RAPGEF6: variants seen among roughly 807,000 people sequenced by gnomAD.
RAPGEF6 encodes Rap guanine nucleotide exchange factor 6.
Under a neutral mutation model 171.4 loss-of-function variants are expected in RAPGEF6, and 56 were observed. The observed-to-expected ratio is 0.33, with a 90% CI of 0.26 to 0.41. The LOEUF is 0.41. RAPGEF6 is among the 10% of genes least tolerant of loss of function. The pLI is 1.00. For synonymous variants in RAPGEF6, 692 were observed against 650.1 expected (o/e 1.06, Z -0.98); for missense variants, 1,674 against 1,921.4 (o/e 0.87, Z 2.41).
chr5:131,467,738 A>G (rs1394324246), intron 17 of RAPGEF6, among the ~76,000 whole-genome samples: 2 of 152,256 alleles, frequency 1.3e-5, no homozygotes, highest in Non-Finnish European at 2.9e-5. Context: ...GACATTTAAA[A>G]AGAATCTTGG....
intron 6 of RAPGEF6, among the ~76,000 whole-genome samples, chr5:131,544,952 G>A (rs1314574790): frequency 6.6e-6 from 1 of 152,168 alleles, no homozygotes; most frequent in African/African-American, 2.4e-5. Context: ...AAAGTGCTGG[G>A]ATTTCAGGCA....
intron 1 of RAPGEF6, among the ~76,000 whole-genome samples, chr5:131,630,635 C>G (rs897857533): frequency 2.6e-5 from 4 of 152,202 alleles, no homozygotes; most frequent in Non-Finnish European, 5.9e-5. Context: ...CTCTCACACA[C>G]ACACTGTGTT....
Position 131,570,945 on chromosome 5 carries a change from T to C in RAPGEF6, c.282-8898A>G, listed in dbSNP as rs1762244389. 3.4e-5 allele frequency among the ~76,000 whole-genome samples: 5 copies of C among 148,492 alleles called. No homozygotes were observed. The South Asian group carries it at 1.1e-3, about 31-fold the overall frequency. On this transcript the variant is annotated intron_variant, in intron 4 of 27. Transcript: ENST00000509018. ...CCCACGTCTTCATCCCCAACTACTT[T>C]TTTTTTTTTTTTTTTTTGAGAGGGA... is the stretch of plus-strand genomic sequence containing the variant.
rs570622752 is a variant in RAPGEF6, at chr5:131,564,237, G to A, written c.282-2190C>T. 2.0e-5 allele frequency among the ~76,000 whole-genome samples: 3 copies of A among 152,304 alleles called. No individual in the cohort carries two copies. In the South Asian group the frequency reaches 6.2e-4, roughly 32 times the overall value. On this transcript the variant is annotated intron_variant, in intron 4 of 27. Transcript: ENST00000509018. The stretch of plus-strand genomic sequence containing the variant: ...AGGGAGAGCAGCAAAGAGATACGGG[G>A]AGAGAGAGAACAACATTGTGCACAA...
rs903513969 is a variant in RAPGEF6 at position 131,442,342 on chromosome 5, T to C, written c.3610+7A>G. 5.0e-6 allele frequency: 8 copies of C among 1,605,752 alleles called. No individual in the cohort carries two copies. In the South Asian group the frequency reaches 5.6e-5, roughly 11 times the overall value. On this transcript the variant is annotated splice_region_variant and intron_variant, in intron 23 of 27. Coordinates refer to ENST00000509018, the MANE Select transcript of RAPGEF6 (RefSeq NM_016340.6). ...AAACGGATGTAATATTAATGGTGAA[T>C]ACTCACTCAGTGCAGGGTCTTTTGT...
chr5:131,451,270 A>C (rs1223254636), intron 21 of RAPGEF6, among the ~76,000 whole-genome samples: 1 of 152,130 alleles, frequency 6.6e-6, no homozygotes, highest in Non-Finnish European at 1.5e-5. Context: ...AGAAACCATC[A>C]GATCAACTAC....
At chr5:131,460,046 A>C (rs1405121598) in intron 19 of RAPGEF6, among the ~76,000 whole-genome samples, 1 of 152,242 alleles carries the variant, frequency 6.6e-6, no homozygotes, top group African/African-American at 2.4e-5. Flanking sequence ...CATGAAGTAC[A>C]AGAATACAAA....
intron 7 of RAPGEF6, among the ~76,000 whole-genome samples, chr5:131,511,974 T>C (rs1757761204): frequency 6.6e-6 from 1 of 152,102 alleles, no homozygotes; most frequent in African/African-American, 2.4e-5. Flanking sequence ...GGTTGCTAAA[T>C]TGGAAGAATA....
chr5:131,628,009 TCTC>T (rs1766051852), intron 1 of RAPGEF6, among the ~76,000 whole-genome samples: 1 of 151,516 alleles, frequency 6.6e-6, no homozygotes, highest in Non-Finnish European at 1.5e-5. Flanking sequence ...TGTTCCACCT[TCTC>T]TATCTCCCTC....
chr5:131,627,788 A>AT lies in RAPGEF6; in HGVS notation c.69+7173dup, dbSNP rs555288552. ...TGCATCAAGCAAGTCCAACAGCACC[A>AT]TTTTTTTCAACAGCACATGCTCACT... On this transcript the variant is annotated intron_variant, in intron 1 of 27. Transcript: ENST00000509018. Among the ~76,000 whole-genome samples the AT allele has an allele frequency of 9.9e-4, 151 of 152,002 alleles. 2 individuals are homozygous for AT. The highest frequency in any genetic ancestry group is 9.8e-4 in the Admixed American group (15 of 15,272).
intron 24 of RAPGEF6, chr5:131,436,266 T>G: frequency 2.6e-6 from 4 of 1,537,548 alleles, no homozygotes. Context: ...TACTGTCTGT[T>G]CTTTTGGCTG....
At chr5:131,501,162 A>AAAAC (rs1051597546) in intron 11 of RAPGEF6, among the ~76,000 whole-genome samples, 69 of 152,080 alleles carry the variant, frequency 4.5e-4, no homozygotes, top group Admixed American at 1.4e-3. Context: ...TAAAAATACA[A>AAAAC]AAACAAACAA....
chr5:131,463,666 A>G, intron 18 of RAPGEF6: 1 of 835,188 alleles, frequency 1.2e-6, no homozygotes, highest in Non-Finnish European at 1.4e-6. Flanking sequence ...ACATTTTAAA[A>G]TTTTTAAAAT....
intron 6 of RAPGEF6, among the ~76,000 whole-genome samples, chr5:131,527,620 T>C (rs1238320092): frequency 6.6e-6 from 1 of 151,664 alleles, no homozygotes; most frequent in Middle Eastern, 3.2e-3. Context: ...GCACAGAAGG[T>C]GAAATAGAAG....
chr5:131,634,044 A>G (rs1766479504), intron 1 of RAPGEF6, among the ~76,000 whole-genome samples: 2 of 152,224 alleles, frequency 1.3e-5, no homozygotes, highest in Admixed American at 1.3e-4. Context: ...TCACGACCCA[A>G]AAGGTCAGCC....
intron 7 of RAPGEF6, among the ~76,000 whole-genome samples, chr5:131,518,908 A>G (rs941626652): frequency 1.3e-5 from 2 of 151,988 alleles, no homozygotes; most frequent in African/African-American, 4.8e-5. Flanking sequence ...TTAATTTATA[A>G]GTTTCATTGC....
rs1311821141 is a variant in RAPGEF6 at position 131,427,265 on chromosome 5, G to A, written c.*1C>T. ...TGGTTTTCAAATAGGTCATCCAAAG[G>A]CTAGACTGCTGAAACTTGTTCATTT... On this transcript the variant is annotated 3_prime_UTR_variant, in exon 28 of 28. Coordinates refer to ENST00000509018, the MANE Select transcript of RAPGEF6 (RefSeq NM_016340.6). The A allele has an allele frequency of 1.9e-6, 3 of 1,609,428 alleles. No individual in the cohort carries two copies. The highest frequency in any genetic ancestry group is 1.1e-5 in the South Asian group (1 of 90,922).
chr5:131,577,436 A>G (rs755549975), intron 4 of RAPGEF6, among the ~76,000 whole-genome samples: 1 of 152,180 alleles, frequency 6.6e-6, no homozygotes, highest in Non-Finnish European at 1.5e-5. Context: ...TTGAACTTTT[A>G]TATGGATGTA....
intron 22 of RAPGEF6, 80 bp downstream of exon 22, chr5:131,446,403 G>C: frequency 7.6e-7 from 1 of 1,323,658 alleles, no homozygotes; most frequent in Non-Finnish European, 1.0e-6. Context: ...ATTTTCTTGG[G>C]ACTTAGGTAT....
Sources: allele counts gnomAD v4.1 joint callset (sites outside exome capture counted in the v4.1 genomes callset), GRCh38; gene constraint gnomAD v4.1.1; transcripts MANE v1.5; gene names NCBI Gene and HGNC (gene_info 2026-07-23, HGNC 2026-07-21).